DPF3: variants seen among roughly 807,000 people sequenced by gnomAD.
The protein encoded by DPF3 is zinc finger protein DPF3.
A neutral mutation model predicts 56.8 loss-of-function variants in DPF3; 18 were observed. That is an observed-to-expected ratio of 0.32 (90% CI 0.22 to 0.47). The LOEUF (loss-of-function observed/expected upper bound fraction) is 0.47. Among genes scored for constraint, DPF3 ranks in the 20% least tolerant of loss-of-function variants. The pLI is 1.00. For missense variants in DPF3, 403 were observed against 488.8 expected, an observed-to-expected ratio of 0.82 and a Z score of 1.65; for synonymous variants, 188 against 180.2, an observed-to-expected ratio of 1.04 and a Z score of -0.35.
At chr14:72,843,224 A>G (rs529353937) in intron 1 of DPF3, among the ~76,000 whole-genome samples, 4 of 152,262 alleles carry the variant, frequency 2.6e-5, no homozygotes, top group African/African-American at 9.6e-5. Context: ...TTCTTTGGAA[A>G]AGAGTTGTTT....
chr14:72,767,723 T>G (rs1307214228), intron 2 of DPF3, among the ~76,000 whole-genome samples: 1 of 108,866 alleles, frequency 9.2e-6, no homozygotes, highest in Non-Finnish European at 1.9e-5. Flanking sequence ...TGAAGAAGTA[T>G]TCAAAGAAAT....
chr14:72,892,141 A>G (rs776893735), intron 1 of DPF3: 1 of 1,533,156 alleles, frequency 6.5e-7, no homozygotes, highest in South Asian at 1.2e-5. Flanking sequence ...CCAGGAGGAA[A>G]CAAACCTGGT....
At chr14:72,873,552 ACCCAGCCATC>A (rs572172239) in intron 1 of DPF3, among the ~76,000 whole-genome samples, 295 of 152,334 alleles carry the variant, frequency 1.9e-3, no homozygotes, top group African/African-American at 6.6e-3. Flanking sequence ...ATACCATTTG[ACCCAGCCATC>A]CCATTACTGG....
At chr14:72,730,368 G>A (rs754328845) in intron 4 of DPF3, among the ~76,000 whole-genome samples, 2 of 152,280 alleles carry the variant, frequency 1.3e-5, no homozygotes, top group South Asian at 2.1e-4. Context: ...GCTGCAGCTC[G>A]TGGAAAAGAG....
intron 1 of DPF3, among the ~76,000 whole-genome samples, chr14:72,874,970 C>T (rs1366386461): frequency 6.6e-5 from 10 of 152,168 alleles, no homozygotes; most frequent in Admixed American, 5.2e-4. Context: ...TACAGTTCCA[C>T]GTGGCTGGGG....
chr14:72,819,567 T>C (rs1289586712), intron 1 of DPF3, among the ~76,000 whole-genome samples: 1 of 152,044 alleles, frequency 6.6e-6, no homozygotes, highest in African/African-American at 2.4e-5. Context: ...AAAATAAAAA[T>C]TAGCTGCTAA....
intron 1 of DPF3, among the ~76,000 whole-genome samples, chr14:72,870,668 C>T (rs1244537548): frequency 6.6e-6 from 1 of 152,206 alleles, no homozygotes; most frequent in Non-Finnish European, 1.5e-5. Flanking sequence ...AAAACCAGTG[C>T]TTCTCCTACT....
chr14:72,800,545 G>GATGGATGT (rs1331800109), intron 1 of DPF3, among the ~76,000 whole-genome samples: 1 of 151,520 alleles, frequency 6.6e-6, no homozygotes, highest in Non-Finnish European at 1.5e-5. Context: ...TGGATGCACA[G>GATGGATGT]ATGGATGTAT....
At chr14:72,757,009 A>G (rs1890865792) in intron 2 of DPF3, among the ~76,000 whole-genome samples, 2 of 125,746 alleles carry the variant, frequency 1.6e-5, no homozygotes, top group East Asian at 2.6e-4. Context: ...GGGAGAGAGG[A>G]GAGAAGAGGG....
rs536171430 is a variant in DPF3, at chr14:72,697,517, C to T, written c.605-4304G>A. 4.6e-5 allele frequency among the ~76,000 whole-genome samples: 7 copies of T among 152,184 alleles called. No homozygotes were observed. The East Asian group carries it at 9.7e-4, about 21-fold the overall frequency. On this transcript the variant is annotated intron_variant, in intron 6 of 10. Transcript: ENST00000556509. ...ATGCAGTTATCACCTCTGCAAACTG[C>T]GAGAAGTCTAACAAAGTTGAAGAGG... is the stretch of plus-strand genomic sequence containing the variant.
At chr14:72,751,627 A>C (rs564615235) in intron 3 of DPF3, among the ~76,000 whole-genome samples, 6 of 152,354 alleles carry the variant, frequency 3.9e-5, no homozygotes, top group Admixed American at 1.3e-4. Flanking sequence ...GGATGTGTAA[A>C]ATACACAATG....
chr14:72,856,509 A>G (rs73304193), intron 1 of DPF3, among the ~76,000 whole-genome samples: 2,291 of 152,268 alleles, frequency 0.015, 61 homozygotes, highest in African/African-American at 0.052. Context: ...CCCAAACCCT[A>G]CACAGATCTA....
chr14:72,740,390 AATGT>A (rs1890075358), intron 3 of DPF3, among the ~76,000 whole-genome samples: 1 of 152,162 alleles, frequency 6.6e-6, no homozygotes, highest in Non-Finnish European at 1.5e-5. Context: ...GTTACTGCAA[AATGT>A]ATGTCGTCTC....
chr14:72,860,338 A>T (rs1885346770), intron 1 of DPF3, among the ~76,000 whole-genome samples: 1 of 152,048 alleles, frequency 6.6e-6, no homozygotes, highest in Admixed American at 6.5e-5. Flanking sequence ...ACAAGCCAAC[A>T]TGCCTGTCTT....
At chr14:72,815,409 T>C (rs1255276441) in intron 1 of DPF3, among the ~76,000 whole-genome samples, 1 of 152,264 alleles carries the variant, frequency 6.6e-6, no homozygotes, top group African/African-American at 2.4e-5. Context: ...GTACAGCCAC[T>C]TTGGAAAGCA....
chr14:72,860,354 G>C (rs188344989), intron 1 of DPF3, among the ~76,000 whole-genome samples: 1 of 151,514 alleles, frequency 6.6e-6, no homozygotes, highest in Non-Finnish European at 1.5e-5. Context: ...GTCTTATTTT[G>C]TTTTACTTTT....
chr14:72,891,200 G>A (rs1886737908), intron 1 of DPF3, among the ~76,000 whole-genome samples: 1 of 152,190 alleles, frequency 6.6e-6, no homozygotes, highest in African/African-American at 2.4e-5. Flanking sequence ...CATAGGTGCT[G>A]CTGGAAATCT....
At chr14:72,890,332 A>C (rs1350405850) in intron 1 of DPF3, among the ~76,000 whole-genome samples, 2 of 152,082 alleles carry the variant, frequency 1.3e-5, no homozygotes, top group Admixed American at 1.3e-4. Flanking sequence ...TCCACTAAAA[A>C]ACACAAAAAT....
At chr14:72,861,737 G>GAGAAAGAAAGAGAAAGAAAGAAAGAC (rs1436291759) in intron 1 of DPF3, among the ~76,000 whole-genome samples, 1 of 84,536 alleles carries the variant, frequency 1.2e-5, no homozygotes, top group Non-Finnish European at 2.4e-5. Context: ...AAGAAAGAAA[G>GAGAAAGAAAGAGAAAGAAAGAAAGAC]AGAAAGAAAG....
Sources: allele counts gnomAD v4.1 joint callset (sites outside exome capture counted in the v4.1 genomes callset), GRCh38; gene constraint gnomAD v4.1.1; transcripts MANE v1.5; gene names NCBI Gene and HGNC (gene_info 2026-07-23, HGNC 2026-07-21).